Variants in SMC4 observed in about 807,000 individuals in gnomAD.
The protein encoded by SMC4 is structural maintenance of chromosomes 4.
SMC4 carries 87 observed loss-of-function variants against 145.6 expected under a neutral mutation model. The ratio of observed to expected loss-of-function variants is 0.60; its 90% CI spans 0.50 to 0.71. SMC4 has a LOEUF of 0.71. Among genes scored for constraint, SMC4 ranks in the 30% least tolerant of loss-of-function variants. The probability of loss-of-function intolerance (pLI) is 0.00; values close to 1 mark genes in which losing one functional copy is unlikely to be tolerated. For synonymous variants in SMC4, 558 were observed against 500.7 expected, an observed-to-expected ratio of 1.11 and a Z score of -1.53; for missense variants, 1,447 against 1,537.1, an observed-to-expected ratio of 0.94 and a Z score of 0.98.
chr3:160,412,260 C>A, intron 6 of SMC4, 66 bp from the exon 7 acceptor site: 1 of 1,496,374 alleles, frequency 6.7e-7, no homozygotes, highest in East Asian at 2.3e-5. Context: ...CTAATGTTTG[C>A]ATATTTTAAG....
rs1718782694 is a variant in SMC4, at chr3:160,434,566, A to T, written c.*757A>T. ...TTCAACTTATGATAGGTTTACCAGGATGTAGTCCCACTGTTGAGGAGCATC... is the reference window on the plus strand; with the variant it reads ...TTCAACTTATGATAGGTTTACCAGGTTGTAGTCCCACTGTTGAGGAGCATC... On this transcript the variant is annotated 3_prime_UTR_variant, in exon 24 of 24. Coordinates refer to ENST00000357388, the MANE Select transcript of SMC4 (RefSeq NM_001002800.3). The T allele has an allele frequency of 6.6e-6, 1 of 152,236 alleles. No homozygotes were observed. The highest frequency in any genetic ancestry group is 1.5e-5 in the Non-Finnish European group (1 of 68,040). The allele number at this position is 152,236 out of a possible 1,614,324, so 9.4% of individuals were successfully genotyped here. A position where few individuals can be genotyped will look rare whatever the true frequency, so the allele number is the denominator to read the frequency against.
chr3:160,411,356 T>C (rs2108464532), intron 5 of SMC4, among the ~76,000 whole-genome samples: 1 of 152,286 alleles, frequency 6.6e-6, no homozygotes, highest in Non-Finnish European at 1.5e-5. Flanking sequence ...ACTGAACATG[T>C]AAGTTTTTGA....
intron 19 of SMC4, 47 bp downstream of exon 19, chr3:160,430,790 C>G (rs780679555): frequency 1.3e-6 from 2 of 1,563,860 alleles, no homozygotes; most frequent in African/African-American, 1.4e-5. Context: ...ATACTGGAAC[C>G]AATTTAAAGA....
chr3:160,412,360 A>T lies in SMC4; in HGVS notation c.887A>T (p.Asp296Val). 3 of 1,602,254 alleles carry T rather than the reference A, an allele frequency of 1.9e-6. No individual in the cohort carries two copies. The highest frequency in any genetic ancestry group is 1.7e-6 in the Non-Finnish European group (2 of 1,169,784). The change falls in exon 7 of 24, where the codon GAT (aspartate) becomes GTT (valine). Residue 296 changes from aspartate to valine, a missense_variant. Physicochemically the swap from Asp to Val is radical, Grantham distance 152. Coordinates refer to ENST00000357388, the MANE Select transcript of SMC4 (RefSeq NM_001002800.3). ...NRVKMVEKEK[D>V]ALEGEKNIAI... ...GTAAAGATGGTGGAAAAGGAAAAGG[A>T]TGCCTTAGAAGGAGAGAAAAACATA...
chr3:160,432,768 G>A lies in SMC4; in HGVS notation c.3530+253G>A, dbSNP rs574127078. 4 of 522,692 alleles carry A rather than the reference G, an allele frequency of 7.7e-6. No homozygotes were observed. In the South Asian group the frequency reaches 9.4e-5, roughly 12 times the overall value. 32.4% of individuals were successfully genotyped at this position (522,692 alleles called of 1,614,324 possible). On this transcript the variant is annotated intron_variant, in intron 22 of 23. Coordinates refer to ENST00000357388, the MANE Select transcript of SMC4 (RefSeq NM_001002800.3). ...TTTTTAACATGAGGATTGAGAAATTGTATTTGATAAGGAGAAAGAATAGCA... is the reference window on the plus strand; with the variant it reads ...TTTTTAACATGAGGATTGAGAAATTATATTTGATAAGGAGAAAGAATAGCA...
intron 5 of SMC4, among the ~76,000 whole-genome samples, chr3:160,405,303 A>G (rs1281301055): frequency 7.1e-6 from 1 of 141,166 alleles, no homozygotes; most frequent in Admixed American, 7.2e-5. Flanking sequence ...CTGTCCTCAA[A>G]ATTCAGAATT....
In SMC4 at chr3:160,411,913, T is replaced by A. The variant is rs749486440; in HGVS notation, c.688-7T>A. ...CAGTGAGTATGAAATATAACTTTTT[T>A]TTAAAGGGTGAAGTTGAACAAATTG... On this transcript the variant is annotated splice_polypyrimidine_tract_variant and splice_region_variant and intron_variant, in intron 5 of 23. Coordinates refer to ENST00000357388, the MANE Select transcript of SMC4 (RefSeq NM_001002800.3). The A allele has an allele frequency of 1.9e-6, 3 of 1,610,006 alleles. No individual in the cohort carries two copies. Among genetic ancestry groups the A allele is most frequent in the Non-Finnish European group, 2.5e-6 (3 of 1,178,252 alleles).
chr3:160,427,207 A>C (rs1576988484), intron 17 of SMC4, among the ~76,000 whole-genome samples: 1 of 152,374 alleles, frequency 6.6e-6, no homozygotes, highest in East Asian at 1.9e-4. Flanking sequence ...AGCAGTAAAC[A>C]AAAATAAAGT....
Position 160,431,064 on chromosome 3 carries a change from C to T in SMC4, c.2973C>T (p.Arg991=), listed in dbSNP as rs781387514. Residue 991 remains arginine (R), a synonymous_variant, in exon 20 of 24, where the codon CGC becomes CGT. Transcript: ENST00000357388. ...TACCAGAGATCCAGAAAGAACATCG[C>T]AATCTGCTTCAAGAATTAAAAGTTA... ...ESLPEIQKEH[R]NLLQELKVIQ... 3.7e-6 allele frequency: 6 copies of T among 1,606,060 alleles called. No individual in the cohort carries two copies. In the East Asian group the frequency reaches 6.7e-5, roughly 18 times the overall value.
intron 12 of SMC4, among the ~76,000 whole-genome samples, chr3:160,420,264 A>C (rs1717025728): frequency 6.6e-6 from 1 of 152,156 alleles, no homozygotes. Context: ...TTGATGTAAA[A>C]ATTACCCAAC....
chr3:160,419,712 T>C (rs1367047779), intron 12 of SMC4, among the ~76,000 whole-genome samples, 169 bp downstream of exon 12: 3 of 152,170 alleles, frequency 2.0e-5, no homozygotes, highest in Non-Finnish European at 4.4e-5. Flanking sequence ...TACAGTTTCT[T>C]GTTTACTTAG....
intron 3 of SMC4, 40 bp downstream of exon 3, chr3:160,402,133 A>G: frequency 7.7e-7 from 1 of 1,305,984 alleles, no homozygotes. Context: ...CTTTTTAAAT[A>G]ACTATTGTAA....
chr3:160,425,485 T>G (rs1485548627), intron 16 of SMC4, among the ~76,000 whole-genome samples: 1 of 152,210 alleles, frequency 6.6e-6, no homozygotes, highest in Non-Finnish European at 1.5e-5. Flanking sequence ...ATATATAAAG[T>G]GTGCATATGG....
At chr3:160,416,045 A>G (rs1012848615) in intron 9 of SMC4, among the ~76,000 whole-genome samples, 1 of 152,238 alleles carries the variant, frequency 6.6e-6, no homozygotes, top group African/African-American at 2.4e-5. Context: ...AGGTGTTTGT[A>G]GAAGTAGTTT....
intron 12 of SMC4, among the ~76,000 whole-genome samples, chr3:160,420,193 GGA>G (rs1269029696): frequency 6.6e-6 from 1 of 152,156 alleles, no homozygotes; most frequent in Non-Finnish European, 1.5e-5. Context: ...GGCTGAAGGT[GGA>G]GAGTCAAAGG....
chr3:160,402,222 TTC>T, intron 3 of SMC4, 129 bp downstream of exon 3: 1 of 558,392 alleles, frequency 1.8e-6, no homozygotes, highest in Non-Finnish European at 3.0e-6. Context: ...CTGATAGTCT[TTC>T]TGTCTCTCTC....
chr3:160,410,979 T>G (rs1576951743), intron 5 of SMC4, among the ~76,000 whole-genome samples: 1 of 152,192 alleles, frequency 6.6e-6, no homozygotes, highest in African/African-American at 2.4e-5. Context: ...ATTGTAATAG[T>G]CTAGAGTACA....
chr3:160,401,945 G>T lies in SMC4; in HGVS notation c.170G>T (p.Ser57Ile), dbSNP rs749392437. 6.2e-7 allele frequency: 1 copy of T among 1,604,890 alleles called. No individual in the cohort carries two copies. Among genetic ancestry groups the T allele is most frequent in the South Asian group, 1.1e-5 (1 of 89,288 alleles). Residue 57 changes from serine (S) to isoleucine (I), a missense_variant, in exon 3 of 24, where the codon AGT becomes ATT. Ser to Ile is a moderately radical substitution (Grantham distance 142). Coordinates refer to ENST00000357388, the MANE Select transcript of SMC4 (RefSeq NM_001002800.3). ...ETASEELDNR[S>I]LEEILNSIPP... ...GCAAGTGAGGAACTTGATAATAGAA[G>T]TTTAGAAGAGATTTTGAACAGCATT...
chr3:160,406,742 T>C (rs954866163), intron 5 of SMC4, among the ~76,000 whole-genome samples: 1 of 152,232 alleles, frequency 6.6e-6, no homozygotes, highest in Non-Finnish European at 1.5e-5. Flanking sequence ...TGTTAATATA[T>C]TCGCTTAGCA....
Sources: gnomAD v4.1 joint callset for allele counts (sites outside exome capture counted in the v4.1 genomes callset) on GRCh38, gnomAD v4.1.1 for gene constraint, MANE v1.5 for transcripts, NCBI Gene and HGNC (gene_info 2026-07-23, HGNC 2026-07-21) for gene names.